The following CERT1 variants were observed in gnomAD, a reference collection of about 807,000 sequenced individuals.
CERT1 encodes ceramide transfer protein.
A neutral mutation model predicts 87.9 loss-of-function variants in CERT1; 31 were observed. That is an observed-to-expected ratio of 0.35 (90% CI 0.27 to 0.48). The LOEUF is 0.48. Among genes scored for constraint, CERT1 ranks in the 20% least tolerant of loss-of-function variants. The pLI, the probability that CERT1 is intolerant of heterozygous loss-of-function variation, is 0.99. For missense variants in CERT1, 487 were observed against 758.0 expected (o/e 0.64, Z 4.20); for synonymous variants, 289 against 250.9 (o/e 1.15, Z -1.44).
intron 15 of CERT1, among the ~76,000 whole-genome samples, chr5:75,381,455 A>T (rs1179970112): frequency 6.6e-6 from 1 of 151,942 alleles, no homozygotes; most frequent in African/African-American, 2.4e-5. Context: ...CCTGGGCTCA[A>T]AGCAATCCTC....
chr5:75,488,606 AC>A (rs1766634399), intron 2 of CERT1, among the ~76,000 whole-genome samples: 2 of 152,150 alleles, frequency 1.3e-5, no homozygotes, highest in Non-Finnish European at 2.9e-5. Context: ...TATTTAAAGG[AC>A]TACTTGGTTG....
intron 13 of CERT1, 49 bp from the exon 14 acceptor site, chr5:75,384,761 T>C: frequency 8.3e-7 from 1 of 1,203,180 alleles, no homozygotes; most frequent in Non-Finnish European, 1.2e-6. Context: ...TCCTAGAATG[T>C]GATCAATTCA....
At chr5:75,503,330 A>G (rs985661836) in intron 2 of CERT1, among the ~76,000 whole-genome samples, 1 of 151,982 alleles carries the variant, frequency 6.6e-6, no homozygotes, top group Non-Finnish European at 1.5e-5. Context: ...AAACATTTAC[A>G]TTCTTTGTAT....
intron 3 of CERT1, among the ~76,000 whole-genome samples, chr5:75,439,016 G>A (rs1764205208): frequency 6.6e-6 from 1 of 151,010 alleles, no homozygotes; most frequent in South Asian, 2.1e-4. Flanking sequence ...ATTTTTCGAT[G>A]TGAAAGCTGA....
chr5:75,445,248 CTGT>C (rs1764489544), intron 3 of CERT1, among the ~76,000 whole-genome samples: 1 of 152,182 alleles, frequency 6.6e-6, no homozygotes, highest in Non-Finnish European at 1.5e-5. Flanking sequence ...GAATTACAAA[CTGT>C]TATTACAATA....
At chr5:75,368,768 CCTTGA>C (rs781521420) in intron 17 of CERT1, 3 of 152,068 alleles carry the variant, frequency 2.0e-5, no homozygotes, top group African/African-American at 4.8e-5. Context: ...TATAAAAGCC[CCTTGA>C]CTTATGATGG....
intron 3 of CERT1, among the ~76,000 whole-genome samples, chr5:75,433,822 T>G (rs1163794117): frequency 2.0e-5 from 3 of 152,330 alleles, no homozygotes; most frequent in East Asian, 3.9e-4. Flanking sequence ...GTGCTTGGCT[T>G]GTGGTACTGA....
chr5:75,458,212 ATATT>A (rs1192448442), intron 3 of CERT1, among the ~76,000 whole-genome samples: 1 of 152,202 alleles, frequency 6.6e-6, no homozygotes, highest in African/African-American at 2.4e-5. Flanking sequence ...AGTCTACTTA[ATATT>A]TATTAACAGA....
intron 2 of CERT1, among the ~76,000 whole-genome samples, chr5:75,471,671 G>C (rs1180900195): frequency 6.7e-6 from 1 of 148,848 alleles, no homozygotes; most frequent in Non-Finnish European, 1.5e-5. Context: ...AGGTAGAATT[G>C]CTTGAACCTG....
At chr5:75,492,164 CGA>C (rs1766826209) in intron 2 of CERT1, among the ~76,000 whole-genome samples, 1 of 151,854 alleles carries the variant, frequency 6.6e-6, no homozygotes, top group South Asian at 2.1e-4. Context: ...GGCAACATAG[CGA>C]GACTCAGTCT....
At chr5:75,505,264 G>C (rs1261226446) in intron 2 of CERT1, 1 of 152,842 alleles carries the variant, frequency 6.5e-6, no homozygotes, top group Non-Finnish European at 1.5e-5. Flanking sequence ...TCCAGCCTGG[G>C]TGACAGAGCA....
intron 12 of CERT1, among the ~76,000 whole-genome samples, chr5:75,387,366 G>A (rs937089678): frequency 6.6e-6 from 1 of 152,088 alleles, no homozygotes; most frequent in African/African-American, 2.4e-5. Flanking sequence ...TTCTAGGTAG[G>A]CTTTCATCAC....
intron 3 of CERT1, among the ~76,000 whole-genome samples, chr5:75,431,469 T>C (rs1256833544): frequency 1.3e-5 from 2 of 152,174 alleles, no homozygotes; most frequent in Non-Finnish European, 2.9e-5. Context: ...GGATGAACAA[T>C]GCTTCTGTGG....
At chr5:75,449,349 AT>A (rs1306224049) in intron 3 of CERT1, among the ~76,000 whole-genome samples, 3 of 152,212 alleles carry the variant, frequency 2.0e-5, no homozygotes, top group Non-Finnish European at 4.4e-5. Flanking sequence ...AGGGCAGGTG[AT>A]TGGAGTTTTG....
At chr5:75,389,256 A>G (rs1049841440) in intron 12 of CERT1, among the ~76,000 whole-genome samples, 10 of 152,240 alleles carry the variant, frequency 6.6e-5, no homozygotes, top group African/African-American at 2.2e-4. Context: ...GTATGTTAAA[A>G]AAACAAAACA....
At chr5:75,453,388 G>A (rs1051183049) in intron 3 of CERT1, among the ~76,000 whole-genome samples, 9 of 152,212 alleles carry the variant, frequency 5.9e-5, no homozygotes, top group African/African-American at 2.2e-4. Context: ...AGAAGTTATG[G>A]TCTAAATAAT....
At chr5:75,430,542 CAA>C (rs1763819878) in intron 3 of CERT1, among the ~76,000 whole-genome samples, 2 of 151,978 alleles carry the variant, frequency 1.3e-5, no homozygotes, top group South Asian at 4.2e-4. Flanking sequence ...GCACTGAATA[CAA>C]AGAGGTAGAA....
chr5:75,476,364 TTTAGTATATATAACGGAATGA>T (rs1361895995), intron 2 of CERT1, among the ~76,000 whole-genome samples: 1 of 152,074 alleles, frequency 6.6e-6, no homozygotes, highest in African/African-American at 2.4e-5. Flanking sequence ...TTACCATGTA[TTTAGTATATATAACGGAATGA>T]TTAAAAGGAA....
intron 6 of CERT1, among the ~76,000 whole-genome samples, chr5:75,418,523 T>C (rs1763237616): frequency 6.6e-6 from 1 of 152,174 alleles, no homozygotes; most frequent in Non-Finnish European, 1.5e-5. Context: ...TTTCCATGAA[T>C]AGAATTGTAT....
Sources: allele counts gnomAD v4.1 joint callset (sites outside exome capture counted in the v4.1 genomes callset), GRCh38; gene constraint gnomAD v4.1.1; transcripts MANE v1.5; gene names NCBI Gene and HGNC (gene_info 2026-07-23, HGNC 2026-07-21).